The following MINDY2 variants were observed in gnomAD, a reference collection of about 807,000 sequenced individuals.
The protein encoded by MINDY2 is MINDY lysine 48 deubiquitinase 2.
Under a neutral mutation model 68.2 loss-of-function variants are expected in MINDY2, and 52 were observed. The ratio of observed to expected loss-of-function variants is 0.76; its 90% confidence interval spans 0.61 to 0.96. MINDY2 has a LOEUF of 0.96. Among genes scored for constraint, MINDY2 ranks in the 40% least tolerant of loss-of-function variants. The probability of loss-of-function intolerance (pLI) is 0.00; values close to 1 mark genes in which losing one functional copy is unlikely to be tolerated. For missense variants in MINDY2, 881 were observed against 773.4 expected, an observed-to-expected ratio of 1.14 and a Z score of -1.65; for synonymous variants, 372 against 303.0, an observed-to-expected ratio of 1.23 and a Z score of -2.36.
At chr15:58,791,347 T>C (rs1489143900) in intron 2 of MINDY2, among the ~76,000 whole-genome samples, 1 of 150,244 alleles carries the variant, frequency 6.7e-6, no homozygotes, top group Non-Finnish European at 1.5e-5. Context: ...TCCAGGTTAG[T>C]AGCCACTAGC....
chr15:58,831,059 A>G (rs1398517562), intron 5 of MINDY2, among the ~76,000 whole-genome samples: 2 of 148,990 alleles, frequency 1.3e-5, no homozygotes, highest in Non-Finnish European at 3.0e-5. Context: ...ATATATATAT[A>G]TGTTTTAAAT....
rs368392429 is a variant in MINDY2 at position 58,840,732 on chromosome 15, G to C, written c.1369-6565G>C. On this transcript the variant is annotated intron_variant, in intron 6 of 8. Coordinates refer to ENST00000559228, the MANE Select transcript of MINDY2 (RefSeq NM_001040450.3). The stretch of plus-strand genomic sequence containing the variant: ...AGTGCAGTGGTGTGATCTCGGCTCA[G>C]TGCAAGCTCCGCCTCCCAGGTTCAT... 1.8e-4 allele frequency among the ~76,000 whole-genome samples: 26 copies of C among 145,512 alleles called. No individual in the cohort carries two copies. In the East Asian group the frequency reaches 4.1e-3, roughly 23 times the overall value.
At chr15:58,840,281 A>G (rs151020531) in intron 6 of MINDY2, among the ~76,000 whole-genome samples, 147 of 152,314 alleles carry the variant, frequency 9.7e-4, no homozygotes, top group Non-Finnish European at 1.8e-3. Context: ...TGCACAGGAC[A>G]TTTTCCCTGA....
chr15:58,817,506 A>T (rs1283701138), intron 4 of MINDY2, among the ~76,000 whole-genome samples: 1 of 152,196 alleles, frequency 6.6e-6, no homozygotes, highest in Non-Finnish European at 1.5e-5. Context: ...CAGGTGGATC[A>T]CCTGAGGTCA....
Position 58,852,972 on chromosome 15 carries a change from A to ATTTTTTTTTTTTTTTTTTTTTTTTTTTT in MINDY2, c.1737+1007_1737+1008insTTTTTTTTTTTTTTTTTTTTTTTTTTTT, listed in dbSNP as rs1567079858. ...TTTTTTTTTTTTTTTTTTTTTTTTAAGACAGAGTCTCACTCTGTTGCCCAG... is the reference window on the plus strand; with the variant it reads ...TTTTTTTTTTTTTTTTTTTTTTTTAATTTTTTTTTTTTTTTTTTTTTTTTTTTTGACAGAGTCTCACTCTGTTGCCCAG... On this transcript the variant is annotated intron_variant, in intron 8 of 8. Transcript: ENST00000559228. 2.3e-4 allele frequency among the ~76,000 whole-genome samples: 4 copies of ATTTTTTTTTTTTTTTTTTTTTTTTTTTT among 17,272 alleles called. 1 individual carries two copies. The highest frequency in any genetic ancestry group is 3.3e-4 in the Non-Finnish European group (2 of 6,082). 11.3% of individuals were successfully genotyped at this position (17,272 alleles called of 152,430 possible). A position where few individuals can be genotyped will look rare whatever the true frequency, so the allele number is the denominator to read the frequency against.
chr15:58,793,340 T>C (rs1459016958), intron 2 of MINDY2, among the ~76,000 whole-genome samples: 1 of 152,004 alleles, frequency 6.6e-6, no homozygotes, highest in African/African-American at 2.4e-5. Flanking sequence ...TAGTCCCAGC[T>C]ACTTGGGAAA....
At chr15:58,812,075 A>G (rs1020021420) in intron 4 of MINDY2, among the ~76,000 whole-genome samples, 6 of 152,208 alleles carry the variant, frequency 3.9e-5, no homozygotes, top group Admixed American at 3.9e-4. Flanking sequence ...TGAGGTGAGA[A>G]TTTACCTTTT....
chr15:58,854,043 G>C (rs1275288757), intron 8 of MINDY2, among the ~76,000 whole-genome samples: 1 of 151,948 alleles, frequency 6.6e-6, no homozygotes, highest in Non-Finnish European at 1.5e-5. Context: ...AGGAGTGTGA[G>C]ACCAGCCTGG....
chr15:58,832,403 A>G (rs1236046382), intron 6 of MINDY2, among the ~76,000 whole-genome samples: 2 of 147,744 alleles, frequency 1.4e-5, no homozygotes, highest in African/African-American at 5.0e-5. Context: ...ATTTTTGTGT[A>G]TTTTTAGGAG....
intron 1 of MINDY2, among the ~76,000 whole-genome samples, chr15:58,787,504 G>A (rs1044158802): frequency 2.0e-5 from 3 of 151,854 alleles, no homozygotes; most frequent in Admixed American, 1.3e-4. Context: ...TTGGGAGGCC[G>A]AGGCAGGTGG....
chr15:58,847,179 A>G, intron 6 of MINDY2, 118 bp from the exon 7 acceptor site: 1 of 756,548 alleles, frequency 1.3e-6, no homozygotes, highest in Non-Finnish European at 2.0e-6. Flanking sequence ...GTACAGATCT[A>G]AACAGTAGGA....
chr15:58,849,215 A>C (rs1311686497), intron 7 of MINDY2, among the ~76,000 whole-genome samples: 3 of 151,534 alleles, frequency 2.0e-5, no homozygotes, highest in African/African-American at 7.3e-5. Context: ...GTCTCAAAAA[A>C]AAAAAGGCTG....
intron 5 of MINDY2, among the ~76,000 whole-genome samples, chr15:58,827,486 C>T (rs533406133): frequency 7.2e-5 from 11 of 152,114 alleles, no homozygotes; most frequent in Non-Finnish European, 1.2e-4. Context: ...TCAGACAGAA[C>T]GGAGTCTTGT....
rs2031250204 is a variant in MINDY2, at chr15:58,824,244, ATAT to A, written c.1225+2433_1225+2435del. ...CTTTTTCCTTAACCTGATGTCACAAATATTATTATTTCTCTGACATTGATTCCT... is the reference window on the plus strand; with the variant it reads ...CTTTTTCCTTAACCTGATGTCACAAATATTATTTCTCTGACATTGATTCCT... On this transcript the variant is annotated intron_variant, in intron 5 of 8. Transcript: ENST00000559228. Among the ~76,000 whole-genome samples, 9 of 152,288 alleles carry A rather than the reference ATAT, an allele frequency of 5.9e-5. No individual in the cohort carries two copies. The South Asian group carries it at 1.9e-3, about 32-fold the overall frequency.
Position 58,859,446 on chromosome 15 carries a change from C to G in MINDY2, c.*4836C>G, listed in dbSNP as rs1247494840. 1 of 151,850 alleles carries G rather than the reference C, an allele frequency of 6.6e-6. No homozygotes were observed. The highest frequency in any genetic ancestry group is 1.5e-5 in the Non-Finnish European group (1 of 67,942). 9.4% of individuals were successfully genotyped at this position (151,850 alleles called of 1,614,324 possible). ...TTATTTGATAATGTGAAGTTAAATC[C>G]CTTTTAGAAAGTGACTGAAAATGGT... On this transcript the variant is annotated 3_prime_UTR_variant, in exon 9 of 9. Coordinates refer to ENST00000559228, the MANE Select transcript of MINDY2 (RefSeq NM_001040450.3).
At chr15:58,809,301 T>C (rs1340929243) in intron 3 of MINDY2, among the ~76,000 whole-genome samples, 1 of 152,166 alleles carries the variant, frequency 6.6e-6, no homozygotes, top group East Asian at 1.9e-4. Context: ...ACTCTAAATA[T>C]CTCATATAAG....
intron 3 of MINDY2, among the ~76,000 whole-genome samples, chr15:58,807,557 G>A (rs185639027): frequency 2.6e-5 from 4 of 152,052 alleles, no homozygotes; most frequent in Admixed American, 2.6e-4. Flanking sequence ...TAGAGACGGG[G>A]TTTCACCGTG....
rs1228659840 is a variant in MINDY2, at chr15:58,771,686, C to T, written c.291C>T (p.Ala97=). 11 of 1,612,494 alleles carry T rather than the reference C, an allele frequency of 6.8e-6. No individual in the cohort carries two copies. The highest frequency in any genetic ancestry group is 6.7e-5 in the African/African-American group (5 of 75,058). Residue 97 remains alanine, a synonymous_variant, in exon 1 of 9, where the codon GCC becomes GCT. Coordinates refer to ENST00000559228, the MANE Select transcript of MINDY2 (RefSeq NM_001040450.3). ...LKDSGLESPA[A]AEAPLRGQYK... is the part of the protein sequence containing the mutation. ...ACAGTGGTTTGGAGAGTCCTGCTGC[C>T]GCCGAGGCGCCTCTGAGAGGGCAGT...
At chr15:58,853,351 TC>T (rs2032925819) in intron 8 of MINDY2, among the ~76,000 whole-genome samples, 1 of 152,002 alleles carries the variant, frequency 6.6e-6, no homozygotes, top group Non-Finnish European at 1.5e-5. Flanking sequence ...AATATAGAAG[TC>T]CCCATTAAAA....
Sources: gnomAD v4.1 joint callset for allele counts (sites outside exome capture counted in the v4.1 genomes callset) on GRCh38, gnomAD v4.1.1 for gene constraint, MANE v1.5 for transcripts, NCBI Gene and HGNC (gene_info 2026-07-23, HGNC 2026-07-21) for gene names.